The following GSTCD variants were observed in gnomAD, a reference collection of about 807,000 sequenced individuals.
GSTCD encodes glutathione S-transferase C-terminal domain containing.
GSTCD carries 44 observed loss-of-function variants against 68.3 expected under a neutral mutation model. The ratio of observed to expected loss-of-function variants is 0.64; its 90% CI spans 0.51 to 0.83. The LOEUF (loss-of-function observed/expected upper bound fraction) is 0.83. Ranked by LOEUF, GSTCD falls within the 40% of genes least tolerant of loss-of-function variation. The pLI is 0.00. For synonymous variants in GSTCD, 273 were observed against 255.2 expected, an observed-to-expected ratio of 1.07 and a Z score of -0.67; for missense variants, 739 against 735.9, an observed-to-expected ratio of 1.00 and a Z score of -0.05.
intron 5 of GSTCD, among the ~76,000 whole-genome samples, chr4:105,755,390 A>T (rs947705362): frequency 3.3e-5 from 5 of 152,120 alleles, no homozygotes; most frequent in Admixed American, 6.5e-5. Flanking sequence ...CTTAAGAGCC[A>T]GAGGAATAAA....
rs1457141097 is a variant in GSTCD at position 105,838,444 on chromosome 4, C to T, written c.1695+555C>T. Reference sequence around the variant, plus strand: ...TGGCCATAACAAATCTCCAAGTATTCCTCTCATTGTCCTTGACATTCTTAT... The same window carrying T: ...TGGCCATAACAAATCTCCAAGTATTTCTCTCATTGTCCTTGACATTCTTAT... On this transcript the variant is annotated intron_variant, in intron 10 of 11. Transcript: ENST00000515279. Among the ~76,000 whole-genome samples, 3 of 152,218 alleles carry T rather than the reference C, an allele frequency of 2.0e-5. No individual in the cohort carries two copies. In the South Asian group the frequency reaches 6.2e-4, roughly 32 times the overall value.
intron 3 of GSTCD, 31 bp downstream of exon 3, chr4:105,719,558 T>A: frequency 6.7e-7 from 1 of 1,491,088 alleles, no homozygotes; most frequent in Non-Finnish European, 9.3e-7. Flanking sequence ...TACACATTAC[T>A]ATGAGTTTCA....
intron 5 of GSTCD, among the ~76,000 whole-genome samples, chr4:105,796,807 C>T (rs969771373): frequency 2.0e-5 from 3 of 152,232 alleles, no homozygotes; most frequent in African/African-American, 7.2e-5. Flanking sequence ...ATTTATACAT[C>T]AGTAATTTTT....
At chr4:105,726,115 C>T (rs1426890805) in intron 3 of GSTCD, among the ~76,000 whole-genome samples, 3 of 152,094 alleles carry the variant, frequency 2.0e-5, no homozygotes, top group Non-Finnish European at 4.4e-5. Flanking sequence ...TAACCAACAA[C>T]TGGAAACATG....
chr4:105,810,081 TAC>T (rs1243767063), intron 5 of GSTCD, among the ~76,000 whole-genome samples: 6 of 152,126 alleles, frequency 3.9e-5, no homozygotes, highest in Non-Finnish European at 7.4e-5. Context: ...GTATTTATTT[TAC>T]TGCCCTACAT....
chr4:105,808,766 T>G (rs1302533724), intron 5 of GSTCD, among the ~76,000 whole-genome samples: 3 of 152,026 alleles, frequency 2.0e-5, no homozygotes, highest in Non-Finnish European at 4.4e-5. Context: ...TTTATAACTT[T>G]TAAATAGCAC....
At chr4:105,801,519 T>C (rs758891127) in intron 5 of GSTCD, among the ~76,000 whole-genome samples, 1 of 152,076 alleles carries the variant, frequency 6.6e-6, no homozygotes, top group Non-Finnish European at 1.5e-5. Context: ...TTTAAAGTAA[T>C]GAAATGACTT....
chr4:105,817,179 G>T (rs1161288259), intron 5 of GSTCD, among the ~76,000 whole-genome samples: 3 of 151,850 alleles, frequency 2.0e-5, no homozygotes, highest in African/African-American at 4.8e-5. Flanking sequence ...ATTAAGGATA[G>T]AAACTAAGAG....
intron 5 of GSTCD, among the ~76,000 whole-genome samples, chr4:105,819,181 A>G (rs1723154286): frequency 1.3e-5 from 2 of 151,708 alleles, no homozygotes; most frequent in South Asian, 4.2e-4. Context: ...CGTCAATCTG[A>G]TGTTCTACTA....
At chr4:105,752,206 C>G (rs937580118) in intron 5 of GSTCD, among the ~76,000 whole-genome samples, 5 of 152,020 alleles carry the variant, frequency 3.3e-5, no homozygotes, top group African/African-American at 1.2e-4. Context: ...AAATACAATG[C>G]CTTTTTTAAA....
chr4:105,753,943 C>T (rs565098240), intron 5 of GSTCD, among the ~76,000 whole-genome samples: 2 of 151,704 alleles, frequency 1.3e-5, no homozygotes, highest in South Asian at 2.1e-4. Flanking sequence ...TAAAAATCCT[C>T]GACGTTGCTA....
At chr4:105,736,045 C>T (rs1733452339) in intron 5 of GSTCD, among the ~76,000 whole-genome samples, 1 of 136,064 alleles carries the variant, frequency 7.3e-6, no homozygotes, top group Non-Finnish European at 1.7e-5. Flanking sequence ...TGGTTTTAAG[C>T]TAAATGATTA....
chr4:105,714,361 T>C (rs1732623737), intron 1 of GSTCD, among the ~76,000 whole-genome samples: 1 of 152,140 alleles, frequency 6.6e-6, no homozygotes, highest in Non-Finnish European at 1.5e-5. Flanking sequence ...GCAGAAGCCC[T>C]GGAGACAGAA....
chr4:105,725,740 A>G (rs1490265707), intron 3 of GSTCD, among the ~76,000 whole-genome samples: 2 of 152,158 alleles, frequency 1.3e-5, no homozygotes, highest in African/African-American at 2.4e-5. Context: ...TATAAGACAC[A>G]TCACTAAAGA....
intron 4 of GSTCD, 92 bp from the exon 5 acceptor site, chr4:105,729,311 CCTT>C: frequency 3.3e-6 from 2 of 598,896 alleles, no homozygotes; most frequent in Non-Finnish European, 5.6e-6. Flanking sequence ...TTATCCTCCT[CCTT>C]ACCAATATAC....
At chr4:105,723,405 T>C (rs1379078082) in intron 3 of GSTCD, among the ~76,000 whole-genome samples, 1 of 151,950 alleles carries the variant, frequency 6.6e-6, no homozygotes, top group East Asian at 1.9e-4. Context: ...AAATTGCATC[T>C]GTACTGAACA....
At position 105,718,154 on chromosome 4, in the gene GSTCD, C is replaced by A. The variant is rs138904929; in HGVS notation, c.426+115C>A. The A allele has an allele frequency of 7.7e-4, 604 of 787,658 alleles. 3 individuals carry two copies. The African/African-American group carries it at 9.4e-3, about 12-fold the overall frequency. The allele number at this position is 787,658 out of a possible 1,614,324, so 48.8% of individuals were successfully genotyped here. Reference sequence around the variant, plus strand: ...ATAAAAGTTTATTTATTTTAAAAAACCCCAGTAACCAATGAAATAAAGTAG... The same window carrying A: ...ATAAAAGTTTATTTATTTTAAAAAAACCCAGTAACCAATGAAATAAAGTAG... On this transcript the variant is annotated intron_variant, in intron 2 of 11. Transcript: ENST00000515279.
At chr4:105,778,744 A>G (rs1442169083) in intron 5 of GSTCD, among the ~76,000 whole-genome samples, 1 of 152,080 alleles carries the variant, frequency 6.6e-6, no homozygotes, top group Non-Finnish European at 1.5e-5. Context: ...TGTAACTAAG[A>G]TTTTTTCTGT....
rs566817578 is a variant in GSTCD, at chr4:105,833,438, G to C, written c.1531-1023G>C. On this transcript the variant is annotated intron_variant, in intron 8 of 11. Transcript: ENST00000515279. Reference sequence around the variant, plus strand: ...AGGTTGTGCCATTGCACTCCAGCCTGGGCAACAAGAGCAAAACTCTGTCTC... The same window carrying C: ...AGGTTGTGCCATTGCACTCCAGCCTCGGCAACAAGAGCAAAACTCTGTCTC... Among the ~76,000 whole-genome samples, 22 of 151,888 alleles carry C rather than the reference G, an allele frequency of 1.4e-4. No homozygotes were observed. In the East Asian group the frequency reaches 3.1e-3, roughly 21 times the overall value.
Sources: gnomAD v4.1 joint callset for allele counts (sites outside exome capture counted in the v4.1 genomes callset) on GRCh38, gnomAD v4.1.1 for gene constraint, MANE v1.5 for transcripts, NCBI Gene and HGNC (gene_info 2026-07-23, HGNC 2026-07-21) for gene names.